MEI1: variants seen among roughly 807,000 people sequenced by gnomAD.
The protein encoded by MEI1 is meiotic double-stranded break formation protein 1.
In MEI1, 103 loss-of-function variants were observed where a neutral mutation model predicts 146.2. The ratio of observed to expected loss-of-function variants is 0.70; its 90% CI spans 0.60 to 0.83. The LOEUF is 0.83. Among genes scored for constraint, MEI1 ranks in the 40% least tolerant of loss-of-function variants. MEI1 has a pLI of 0.00. For synonymous variants in MEI1, 652 were observed against 628.2 expected (o/e 1.04, Z -0.57); for missense variants, 1,529 against 1,533.0 (o/e 1.00, Z 0.04).
At chr22:41,743,232 C>T in intron 12 of MEI1, 38 bp downstream of exon 12, 3 of 1,452,852 alleles carry the variant, frequency 2.1e-6, no homozygotes, top group Non-Finnish European at 2.9e-6. Context: ...GAAGATCATG[C>T]TGCAGTGTGT....
chr22:41,714,338 C>T (rs2069893410), intron 4 of MEI1, among the ~76,000 whole-genome samples: 1 of 152,124 alleles, frequency 6.6e-6, no homozygotes, highest in African/African-American at 2.4e-5. Flanking sequence ...ATAATCATCC[C>T]ATGGTTCATT....
chr22:41,762,010 C>G lies in MEI1; in HGVS notation c.2121-1164C>G, dbSNP rs368953921. On this transcript the variant is annotated intron_variant, in intron 18 of 30. Coordinates refer to ENST00000401548, the MANE Select transcript of MEI1 (RefSeq NM_152513.4). ...ATTAATATACCTTTGTATGTATACA[C>G]CATAATTTGCTTTTATTCACCTATT... Among the ~76,000 whole-genome samples the G allele has an allele frequency of 1.4e-4, 21 of 152,312 alleles. No homozygotes were observed. In the East Asian group the frequency reaches 3.1e-3, roughly 22 times the overall value.
At chr22:41,735,208 C>T (rs541103003) in intron 11 of MEI1, among the ~76,000 whole-genome samples, 11 of 149,240 alleles carry the variant, frequency 7.4e-5, no homozygotes, top group African/African-American at 2.0e-4. Flanking sequence ...GTGATCCGCC[C>T]GCTTCGGCCT....
chr22:41,729,668 C>T lies in MEI1; in HGVS notation c.868C>T (p.Leu290Phe). The T allele has an allele frequency of 1.2e-6, 2 of 1,605,958 alleles. No homozygotes were observed. Among genetic ancestry groups the T allele is most frequent in the Non-Finnish European group, 1.7e-6 (2 of 1,175,184 alleles). The change falls in exon 8 of 31, where the codon CTC (leucine) becomes TTC (phenylalanine). Residue 290 changes from leucine (L) to phenylalanine (F), a missense_variant. Leu to Phe is a conservative substitution (Grantham distance 22). This residue lies in a region of MEI1 where 1,212 missense variants were observed against 1,178.9 expected (regional missense o/e 1.03). Coordinates refer to ENST00000401548, the MANE Select transcript of MEI1 (RefSeq NM_152513.4). ...TTTTTGCTGCCTGTTTCTCCAGCTT[C>T]TCCTCTCTAGAGATGAAACCCTGCA... Reference protein sequence around the residue: ...TSLPLVLKKLLLSRDETLQVA... With the variant: ...TSLPLVLKKLFLSRDETLQVA...
At chr22:41,753,136 A>G (rs553772286) in intron 16 of MEI1, among the ~76,000 whole-genome samples, 15 of 151,862 alleles carry the variant, frequency 9.9e-5, no homozygotes, top group African/African-American at 3.6e-4. Flanking sequence ...CTCCTGCCTC[A>G]GCACCTGAAT....
intron 15 of MEI1, 54 bp downstream of exon 15, chr22:41,748,272 G>T: frequency 9.0e-7 from 1 of 1,114,184 alleles, no homozygotes; most frequent in Admixed American, 1.7e-5. Context: ...CTTAGGCAAT[G>T]CTCAGAGAGT....
intron 3 of MEI1, 145 bp from the exon 4 acceptor site, chr22:41,713,857 A>C: frequency 3.0e-6 from 2 of 668,536 alleles, no homozygotes; most frequent in South Asian, 4.0e-5. Flanking sequence ...CTGTGCACAC[A>C]TAGTTAAATG....
chr22:41,722,008 C>T (rs1488239192), intron 6 of MEI1: 1 of 147,564 alleles, frequency 6.8e-6, no homozygotes, highest in African/African-American at 2.5e-5. Flanking sequence ...CGTGAGCCAC[C>T]GCGGCCAGCC....
intron 6 of MEI1, among the ~76,000 whole-genome samples, chr22:41,721,487 G>A (rs1339216607): frequency 5.3e-5 from 8 of 150,914 alleles, no homozygotes; most frequent in African/African-American, 2.0e-4. Context: ...CTCGTGATTC[G>A]CCTGCCTTGG....
chr22:41,727,009 G>A (rs906911834), intron 7 of MEI1, among the ~76,000 whole-genome samples: 3 of 151,848 alleles, frequency 2.0e-5, no homozygotes, highest in African/African-American at 4.8e-5. Flanking sequence ...TCCTGACCTC[G>A]TGATCCACCC....
rs546305641 is a variant in MEI1 at position 41,745,766 on chromosome 22, AATAGAG to A, written c.1539-115_1539-110del. Reference sequence around the variant, plus strand: ...CTATTGAATTTTCTCCCAGTCTGATAATAGAGATACTTTCCCTGGACCCTGAGCACA... The same window carrying A: ...CTATTGAATTTTCTCCCAGTCTGATAATACTTTCCCTGGACCCTGAGCACA... On this transcript the variant is annotated intron_variant, in intron 13 of 30. Transcript: ENST00000401548. The A allele has an allele frequency of 1.4e-3, 1,338 of 984,252 alleles. 4 individuals carry two copies. Among genetic ancestry groups the A allele is most frequent in the Non-Finnish European group, 1.7e-3 (1,173 of 686,334 alleles). 61.0% of individuals were successfully genotyped at this position (984,252 alleles called of 1,614,324 possible).
chr22:41,728,817 C>T (rs2071586204), intron 7 of MEI1, among the ~76,000 whole-genome samples: 1 of 149,692 alleles, frequency 6.7e-6, no homozygotes, highest in Non-Finnish European at 1.5e-5. Flanking sequence ...GTCATGTTCA[C>T]ACGGCTGCAC....
intron 16 of MEI1, chr22:41,753,728 C>G (rs915602529): frequency 4.7e-6 from 2 of 427,282 alleles, no homozygotes; most frequent in Non-Finnish European, 8.7e-6. Context: ...ATCCACCAGC[C>G]TCAGCCTCCC....
At chr22:41,775,139 G>T (rs1023906206) in intron 20 of MEI1, among the ~76,000 whole-genome samples, 1 of 152,196 alleles carries the variant, frequency 6.6e-6, no homozygotes, top group South Asian at 2.1e-4. Flanking sequence ...GCAGCTTTCT[G>T]ACTGGCTTTG....
chr22:41,732,668 G>A (rs1453731100), intron 11 of MEI1, 65 bp downstream of exon 11: 115 of 1,519,440 alleles, frequency 7.6e-5, no homozygotes, highest in Non-Finnish European at 9.6e-5. Flanking sequence ...TTGAGGCCAG[G>A]GTAGCGGATA....
At chr22:41,796,250 C>T (rs1314322599) in intron 30 of MEI1, among the ~76,000 whole-genome samples, 2 of 152,016 alleles carry the variant, frequency 1.3e-5, no homozygotes, top group African/African-American at 4.8e-5. Flanking sequence ...TGCAGTGGCA[C>T]GATCTTGGCT....
In MEI1 at chr22:41,794,492, GA is replaced by G; in HGVS notation, c.3534+16del. The G allele has an allele frequency of 6.2e-7, 1 of 1,605,338 alleles. No individual in the cohort carries two copies. The highest frequency in any genetic ancestry group is 1.1e-5 in the South Asian group (1 of 90,912). On this transcript the variant is annotated intron_variant, in intron 28 of 30. Transcript: ENST00000401548. ...TCATGACCCTGGTAAGTGCAGAAAG[GA>G]TATCTTGTGGTCTGAGGAGTGTCAT...
chr22:41,787,456 TC>T (rs2076032056), intron 26 of MEI1, among the ~76,000 whole-genome samples: 1 of 152,140 alleles, frequency 6.6e-6, no homozygotes, highest in Non-Finnish European at 1.5e-5. Flanking sequence ...AGACCAGGGG[TC>T]CACAGGCGGG....
At chr22:41,771,393 A>G (rs558604952) in intron 20 of MEI1, among the ~76,000 whole-genome samples, 1 of 152,286 alleles carries the variant, frequency 6.6e-6, no homozygotes, top group South Asian at 2.1e-4. Context: ...ATAATATTAT[A>G]TGTACATTAC....
Sources: gnomAD v4.1 joint callset for allele counts (sites outside exome capture counted in the v4.1 genomes callset) on GRCh38, gnomAD v4.1.1 for gene constraint, gnomAD v4.1.1 regional missense constraint, MANE v1.5 for transcripts, NCBI Gene and HGNC (gene_info 2026-07-23, HGNC 2026-07-21) for gene names.